Variants in GRSF1 observed in about 807,000 individuals in gnomAD.
GRSF1 encodes G-rich RNA sequence binding factor 1, also known as G-rich sequence factor 1.
A neutral mutation model predicts 51.1 loss-of-function variants in GRSF1; 50 were observed. That is an observed-to-expected ratio of 0.98 (90% CI 0.78 to 1.24). The LOEUF (loss-of-function observed/expected upper bound fraction) is 1.24. Among genes scored for constraint, GRSF1 ranks in the 50% most tolerant of loss-of-function variants. The pLI is 0.00. For synonymous variants in GRSF1, 293 were observed against 253.3 expected, an observed-to-expected ratio of 1.16 and a Z score of -1.49; for missense variants, 700 against 639.7, an observed-to-expected ratio of 1.09 and a Z score of -1.02.
In GRSF1 at chr4:70,833,140, G is replaced by A; in HGVS notation, c.648C>T (p.Tyr216=). The change falls in exon 3 of 10, where the codon TAC becomes TAT. Residue 216 remains tyrosine, a synonymous_variant. Transcript: ENST00000254799. ...TACCTTCCACATACCGCTGGCCCAT[G>A]TACATGCGGTGCTTCTCTAAGGCTT... ...VQKALEKHRM[Y]MGQRYVEVYE... 6.2e-7 allele frequency: 1 copy of A among 1,613,918 alleles called. No homozygotes were observed. Among genetic ancestry groups the A allele is most frequent in the Non-Finnish European group, 8.5e-7 (1 of 1,179,842 alleles).
At chr4:70,834,724 C>G (rs563686927) in intron 2 of GRSF1, among the ~76,000 whole-genome samples, 1 of 152,280 alleles carries the variant, frequency 6.6e-6, no homozygotes, top group Non-Finnish European at 1.5e-5. Context: ...CAGATTCAAG[C>G]GATTCTCCTG....
upstream of GRSF1, among the ~76,000 whole-genome samples, chr4:70,841,006 G>A (rs1413262496): frequency 6.6e-6 from 1 of 152,160 alleles, no homozygotes; most frequent in African/African-American, 2.4e-5. Flanking sequence ...GTTTTAAAAT[G>A]AAATATAGGC....
intron 6 of GRSF1, among the ~76,000 whole-genome samples, chr4:70,826,629 C>T (rs149476183): frequency 5.9e-5 from 9 of 151,874 alleles, no homozygotes; most frequent in Non-Finnish European, 8.8e-5. Context: ...CACTTGAGCC[C>T]AGGAGTTCGA....
At position 70,820,299 on chromosome 4, in the gene GRSF1, C is replaced by T. The variant is rs1004824018; in HGVS notation, c.*588G>A. On this transcript the variant is annotated 3_prime_UTR_variant, in exon 10 of 10. Coordinates refer to ENST00000254799, the MANE Select transcript of GRSF1 (RefSeq NM_002092.4). ...TAAAACCGCCAAATTGTCATTTACA[C>T]TAAGCTGTGGTATTTTTTGTTTTGA... 1 of 152,616 alleles carries T rather than the reference C, an allele frequency of 6.6e-6. No individual in the cohort carries two copies. The highest frequency in any genetic ancestry group is 1.5e-5 in the Non-Finnish European group (1 of 68,034). 9.5% of individuals were successfully genotyped at this position (152,616 alleles called of 1,614,324 possible).
At chr4:70,825,203 A>T in intron 8 of GRSF1, 93 bp downstream of exon 8, 1 of 1,007,468 alleles carries the variant, frequency 9.9e-7, no homozygotes, top group Non-Finnish European at 1.4e-6. Context: ...CAAATTTCTC[A>T]AGGAAAAATT....
chr4:70,826,236 T>C lies in GRSF1; in HGVS notation c.1145A>G (p.Lys382Arg). ...FESEKEIELP[K>R]EVPEKLPEAA... ...CTCTGGAAGCTTTTCTGGCACCTCC[T>C]TAGGCAATTCTGAGAGGTGGAACAG... Residue 382 changes from lysine (K) to arginine (R), a missense_variant, in exon 7 of 10, where the codon AAG becomes AGG. Lys to Arg is a conservative substitution (Grantham distance 26, BLOSUM62 2). Coordinates refer to ENST00000254799, the MANE Select transcript of GRSF1 (RefSeq NM_002092.4). 6.2e-7 allele frequency: 1 copy of C among 1,605,234 alleles called. No homozygotes were observed. Among genetic ancestry groups the C allele is most frequent in the Non-Finnish European group, 8.5e-7 (1 of 1,176,830 alleles).
Position 70,823,974 on chromosome 4 carries a change from C to CTTTTTTTTTTTTT in GRSF1, c.*25+319_*25+320insAAAAAAAAAAAAA, listed in dbSNP as rs577909875. Reference sequence around the variant, plus strand: ...AAATAATTTCCACAGTTGTATCTCTCTCTTTTTTTTTTTTTTTTTTGAGTC... The same window carrying CTTTTTTTTTTTTT: ...AAATAATTTCCACAGTTGTATCTCTCTTTTTTTTTTTTTTCTTTTTTTTTTTTTTTTTTGAGTC... On this transcript the variant is annotated intron_variant, in intron 9 of 9. Transcript: ENST00000254799. Among the ~76,000 whole-genome samples, 6 of 100,930 alleles carry CTTTTTTTTTTTTT rather than the reference C, an allele frequency of 5.9e-5. 2 individuals are homozygous for CTTTTTTTTTTTTT. The highest frequency in any genetic ancestry group is 1.5e-4 in the Admixed American group (1 of 6,874). 66.2% of individuals were successfully genotyped at this position (100,930 alleles called of 152,430 possible).
chr4:70,839,706 G>A lies in GRSF1; in HGVS notation c.122C>T (p.Ser41Leu), dbSNP rs558117166. The A allele has an allele frequency of 4.1e-4, 598 of 1,474,182 alleles. 2 individuals are homozygous for A. The African/African-American group carries it at 7.7e-3, about 19-fold the overall frequency. The allele number at this position is 1,474,182 out of a possible 1,614,324, so 91.3% of individuals were successfully genotyped here. A position where few individuals can be genotyped will look rare whatever the true frequency, so the allele number is the denominator to read the frequency against. Residue 41 changes from serine to leucine, a missense_variant, in exon 1 of 10, where the codon TCG becomes TTG. Transcript: ENST00000254799. ...CAGGCGGCGGCGGCCCGAGACGCCC[G>A]ACGGGATAGAGCCAGCGGCGGAGTA... ...PFYSAAGSIPSGVSGRRRLLL... is the reference protein window; with the variant it reads ...PFYSAAGSIPLGVSGRRRLLL...
chr4:70,841,335 C>G (rs1202626015), upstream of GRSF1, among the ~76,000 whole-genome samples: 1 of 152,130 alleles, frequency 6.6e-6, no homozygotes, highest in Non-Finnish European at 1.5e-5. Context: ...TAATACATAA[C>G]AAAGGTGAAC....
In GRSF1 at chr4:70,833,112, A is replaced by G; in HGVS notation, c.670+6T>C. 6.2e-7 allele frequency: 1 copy of G among 1,612,166 alleles called. No homozygotes were observed. Among genetic ancestry groups the G allele is most frequent in the Non-Finnish European group, 8.5e-7 (1 of 1,179,236 alleles). ...TCCCAAAAAGCCATAATCTGACTTC[A>G]CATACCTTCCACATACCGCTGGCCC... On this transcript the variant is annotated splice_donor_region_variant and intron_variant, in intron 3 of 9. Transcript: ENST00000254799.
In GRSF1 at chr4:70,824,323, T is replaced by C. The variant is rs774880195; in HGVS notation, c.1439A>G (p.Lys480Arg). The change falls in exon 9 of 10, where the codon AAA (lysine) becomes AGA (arginine). Residue 480 changes from lysine (K) to arginine (R), a missense_variant. Transcript: ENST00000254799. ...ELFLNSCPKG[K>R] ...TTATCTGGAGCCCCTAGAGTCTTAT[T>C]TTCCTTTTGGACATGAATTCAGGAA... 2 of 1,455,110 alleles carry C rather than the reference T, an allele frequency of 1.4e-6. No homozygotes were observed. Among genetic ancestry groups the C allele is most frequent in the South Asian group, 2.4e-5 (2 of 84,048 alleles). The allele number at this position is 1,455,110 out of a possible 1,614,324, so 90.1% of individuals were successfully genotyped here. A position where few individuals can be genotyped will look rare whatever the true frequency, so the allele number is the denominator to read the frequency against.
At position 70,835,795 on chromosome 4, in the gene GRSF1, C is replaced by T. The variant is rs111391692; in HGVS notation, c.514+363G>A. On this transcript the variant is annotated intron_variant, in intron 2 of 9. Transcript: ENST00000254799. ...TTTTGTTGCATTCAAAGTCTTTATA[C>T]ATATGTAAATTGAGACAGTCTCACA... Among the ~76,000 whole-genome samples the T allele has an allele frequency of 4.8e-3, 728 of 152,256 alleles. 9 individuals are homozygous for T. Among genetic ancestry groups the T allele is most frequent in the African/African-American group, 0.017 (690 of 41,546 alleles).
Position 70,833,143 on chromosome 4 carries a change from C to A in GRSF1, c.645G>T (p.Met215Ile). Residue 215 changes from methionine (M) to isoleucine (I), a missense_variant, in exon 3 of 10, where the codon ATG becomes ATT. By Grantham distance (10) the Met-to-Ile change is conservative (BLOSUM62 1). Coordinates refer to ENST00000254799, the MANE Select transcript of GRSF1 (RefSeq NM_002092.4). ...DVQKALEKHR[M>I]YMGQRYVEVY... ...CTTCCACATACCGCTGGCCCATGTA[C>A]ATGCGGTGCTTCTCTAAGGCTTTCT... 1.2e-6 allele frequency: 2 copies of A among 1,613,982 alleles called. 1 individual carries two copies. Among genetic ancestry groups the A allele is most frequent in the Middle Eastern group, 3.3e-4 (2 of 6,060 alleles).
intron 5 of GRSF1, among the ~76,000 whole-genome samples, chr4:70,828,581 T>G (rs1273113937): frequency 6.6e-6 from 1 of 151,990 alleles, no homozygotes; most frequent in Non-Finnish European, 1.5e-5. Flanking sequence ...ACAATTTTTT[T>G]TTTTGAAACT....
intron 5 of GRSF1, among the ~76,000 whole-genome samples, 173 bp from the exon 6 acceptor site, chr4:70,828,209 T>C (rs562441882): frequency 1.6e-4 from 25 of 152,326 alleles, no homozygotes; most frequent in African/African-American, 5.8e-4. Flanking sequence ...CATGAAAATA[T>C]ACAACAGAGT....
intron 6 of GRSF1, among the ~76,000 whole-genome samples, chr4:70,827,469 T>TTACAGGC: frequency 6.6e-6 from 1 of 152,140 alleles, no homozygotes; most frequent in African/African-American, 2.4e-5. Context: ...TTTCTGCATA[T>TTACAGGC]ACTCAAAGTA....
chr4:70,824,466 G>T, intron 8 of GRSF1, 98 bp from the exon 9 acceptor site: 1 of 673,654 alleles, frequency 1.5e-6, no homozygotes, highest in Non-Finnish European at 2.7e-6. Flanking sequence ...CAAACCCTTT[G>T]CCCTTTCCTT....
In GRSF1 at chr4:70,832,407, G is replaced by C. The variant is rs770470601; in HGVS notation, c.714C>G (p.Ser238Arg). Residue 238 changes from serine to arginine, a missense_variant, in exon 4 of 10, where the codon AGC becomes AGG. Ser to Arg is a moderately radical substitution (Grantham distance 110). Transcript: ENST00000254799. ...CCACAGGCGAAGATTTGACCTGCAA[G>C]CTCTTCATTAAGGCATCCACATCTT... is the stretch of plus-strand genomic sequence containing the variant. ...NNEDVDALMK[S>R]LQVKSSPVVN... The C allele has an allele frequency of 6.2e-7, 1 of 1,609,726 alleles. No individual in the cohort carries two copies. The highest frequency in any genetic ancestry group is 8.5e-7 in the Non-Finnish European group (1 of 1,176,228).
At position 70,828,046 on chromosome 4, in the gene GRSF1, A is replaced by G; in HGVS notation, c.951-10T>C. Reference sequence around the variant, plus strand: ...AAATATCTCGATGTATCTATGTCAAAGCAAAAGTAAACAGGCACAAATGGT... The same window carrying G: ...AAATATCTCGATGTATCTATGTCAAGGCAAAAGTAAACAGGCACAAATGGT... On this transcript the variant is annotated splice_polypyrimidine_tract_variant and intron_variant, in intron 5 of 9. Coordinates refer to ENST00000254799, the MANE Select transcript of GRSF1 (RefSeq NM_002092.4). 6.2e-7 allele frequency: 1 copy of G among 1,606,346 alleles called. No homozygotes were observed. The highest frequency in any genetic ancestry group is 2.2e-5 in the East Asian group (1 of 44,836).
Sources: gnomAD v4.1 joint callset for allele counts (sites outside exome capture counted in the v4.1 genomes callset) on GRCh38, gnomAD v4.1.1 for gene constraint, MANE v1.5 for transcripts, NCBI Gene and HGNC (gene_info 2026-07-23, HGNC 2026-07-21) for gene names.